CNOT6: variants seen among roughly 807,000 people sequenced by gnomAD.
The protein encoded by CNOT6 is carbon catabolite repression 4 protein.
CNOT6 carries 12 observed loss-of-function variants against 61.2 expected under a neutral mutation model. The ratio of observed to expected loss-of-function variants is 0.20; its 90% CI spans 0.13 to 0.32. CNOT6 has a LOEUF of 0.32. Ranked by LOEUF, CNOT6 falls within the 10% of genes least tolerant of loss-of-function variation. CNOT6 has a pLI of 1.00. For synonymous variants in CNOT6, 225 were observed against 240.6 expected, an observed-to-expected ratio of 0.94 and a Z score of 0.60; for missense variants, 405 against 663.9, an observed-to-expected ratio of 0.61 and a Z score of 4.28.
At chr5:180,521,260 A>G (rs1757867153) in intron 1 of CNOT6, among the ~76,000 whole-genome samples, 1 of 152,172 alleles carries the variant, frequency 6.6e-6, no homozygotes. Context: ...CTTCCCTGGC[A>G]CTCACTGGTT....
chr5:180,568,047 G>C, intron 9 of CNOT6, 44 bp downstream of exon 9: 1 of 1,526,362 alleles, frequency 6.6e-7, no homozygotes, highest in Non-Finnish European at 8.8e-7. Context: ...GCTCTGACTA[G>C]ACATCTTCAA....
chr5:180,522,683 C>T (rs1015181679), intron 1 of CNOT6, among the ~76,000 whole-genome samples: 1 of 151,802 alleles, frequency 6.6e-6, no homozygotes, highest in Non-Finnish European at 1.5e-5. Flanking sequence ...CAGGGTCTCA[C>T]TCTTGCCCAC....
intron 10 of CNOT6, 73 bp downstream of exon 10, chr5:180,569,413 C>A: frequency 3.3e-6 from 4 of 1,209,176 alleles, no homozygotes; most frequent in Non-Finnish European, 3.6e-6. Flanking sequence ...TGTTTCTGAT[C>A]ATTCCAAATT....
rs1464698840 is a variant in CNOT6, at chr5:180,565,890, T to C, written c.630T>C (p.Cys210=). 1.9e-6 allele frequency: 3 copies of C among 1,613,818 alleles called. No homozygotes were observed. The East Asian group carries it at 6.7e-5, about 36-fold the overall frequency. ...CGACCCGGCAGTTATACGGCTACTG[T>C]CCATCATGGGCGCTAAACTGGGACT... The part of the protein sequence containing the change: ...KYATRQLYGY[C]PSWALNWDYR... Residue 210 remains cysteine, a synonymous_variant, in exon 7 of 12, where the codon TGT becomes TGC. Transcript: ENST00000261951.
chr5:180,543,564 A>G (rs1759150510), intron 2 of CNOT6, among the ~76,000 whole-genome samples: 1 of 152,152 alleles, frequency 6.6e-6, no homozygotes, highest in Non-Finnish European at 1.5e-5. Context: ...CCCCAACAAT[A>G]TATGTCTTAG....
At chr5:180,552,346 A>G (rs1169622819) in intron 3 of CNOT6, among the ~76,000 whole-genome samples, 2 of 152,010 alleles carry the variant, frequency 1.3e-5, no homozygotes, top group African/African-American at 4.8e-5. Flanking sequence ...CACACTTAAA[A>G]AGTGACAAAT....
intron 4 of CNOT6, among the ~76,000 whole-genome samples, chr5:180,555,341 C>T (rs1283968641): frequency 6.6e-6 from 1 of 152,152 alleles, no homozygotes; most frequent in Non-Finnish European, 1.5e-5. Flanking sequence ...TACAGGAAAG[C>T]CTCTAAGTGT....
At chr5:180,495,904 C>T (rs11750477) in intron 1 of CNOT6, 41,032 of 152,122 alleles carry the variant, frequency 0.27, 6,159 homozygotes, top group Middle Eastern at 0.41. Context: ...TTATCACAGT[C>T]TTTATTTAAT....
chr5:180,510,305 C>G (rs911942515), intron 1 of CNOT6, among the ~76,000 whole-genome samples: 1 of 151,848 alleles, frequency 6.6e-6, no homozygotes, highest in Non-Finnish European at 1.5e-5. Context: ...GCCAGGACTT[C>G]TATCCGTAAA....
chr5:180,567,383 T>G (rs984186034), intron 8 of CNOT6, 141 bp downstream of exon 8: 18 of 712,558 alleles, frequency 2.5e-5, no homozygotes, highest in Middle Eastern at 3.4e-4. Flanking sequence ...ACCTAGGGGG[T>G]TTTTGTTTGT....
intron 9 of CNOT6, among the ~76,000 whole-genome samples, chr5:180,568,831 A>T (rs1421129172): frequency 6.6e-6 from 1 of 152,126 alleles, no homozygotes; most frequent in Non-Finnish European, 1.5e-5. Context: ...CCAAACTAAG[A>T]CCAAAAGTTT....
chr5:180,550,087 C>T lies in CNOT6; in HGVS notation c.269C>T (p.Pro90Leu), dbSNP rs756760713. 2 of 1,613,974 alleles carry T rather than the reference C, an allele frequency of 1.2e-6. No individual in the cohort carries two copies. Among genetic ancestry groups the T allele is most frequent in the Non-Finnish European group, 1.7e-6 (2 of 1,179,920 alleles). The change falls in exon 3 of 12, where the codon CCC (proline) becomes CTC (leucine). Residue 90 changes from proline (P) to leucine (L), a missense_variant. Pro to Leu is a moderately conservative substitution (Grantham distance 98). Transcript: ENST00000261951. ...DLSSNKIRSL[P>L]AELGNMVSLR... ...TCATCTAATAAAATTCGTAGCTTAC[C>T]CGCAGAACTCGGAAACATGGTATCA...
intron 2 of CNOT6, among the ~76,000 whole-genome samples, chr5:180,548,133 A>T (rs1363452989): frequency 6.6e-6 from 1 of 152,142 alleles, no homozygotes; most frequent in Non-Finnish European, 1.5e-5. Flanking sequence ...CAATTCACAC[A>T]CTGTACAGCT....
chr5:180,527,648 A>G (rs551855183), intron 1 of CNOT6, among the ~76,000 whole-genome samples: 65 of 152,280 alleles, frequency 4.3e-4, no homozygotes, highest in African/African-American at 1.5e-3. Flanking sequence ...GGTCAAGGAC[A>G]TAGGTGGTTT....
At chr5:180,504,396 T>A (rs1472013681) in intron 1 of CNOT6, among the ~76,000 whole-genome samples, 1 of 152,142 alleles carries the variant, frequency 6.6e-6, no homozygotes, top group Non-Finnish European at 1.5e-5. Flanking sequence ...ACTTCCCAAG[T>A]CATTGTGTAT....
chr5:180,545,781 A>G (rs2127739409), intron 2 of CNOT6, among the ~76,000 whole-genome samples: 1 of 152,302 alleles, frequency 6.6e-6, no homozygotes, highest in East Asian at 1.9e-4. Context: ...CTGGTTTGCA[A>G]AGATGTCTTG....
At chr5:180,558,614 G>T (rs1760021879) in intron 4 of CNOT6, among the ~76,000 whole-genome samples, 1 of 125,874 alleles carries the variant, frequency 7.9e-6, no homozygotes, top group African/African-American at 2.7e-5. Flanking sequence ...CTTCCTTCTT[G>T]TGTTTGCTTT....
In CNOT6 at chr5:180,575,713, C is replaced by A. The variant is rs531315597; in HGVS notation, c.*1513C>A. 6.5e-6 allele frequency: 1 copy of A among 152,700 alleles called. No individual in the cohort carries two copies. The highest frequency in any genetic ancestry group is 6.5e-5 in the Admixed American group (1 of 15,294). The allele number at this position is 152,700 out of a possible 1,614,324, so 9.5% of individuals were successfully genotyped here. ...AGTGAACATGTACATGGTCTGCTCT[C>A]ATTTATTCATTCTTCTCTCAAAAGT... On this transcript the variant is annotated 3_prime_UTR_variant, in exon 12 of 12. Coordinates refer to ENST00000261951, the MANE Select transcript of CNOT6 (RefSeq NM_001370472.1).
intron 1 of CNOT6, among the ~76,000 whole-genome samples, chr5:180,501,431 C>G (rs150089522): frequency 6.6e-6 from 1 of 152,140 alleles, no homozygotes; most frequent in Admixed American, 6.6e-5. Context: ...GATTTTTGAT[C>G]CTGTTAAGTT....
Sources: allele counts gnomAD v4.1 joint callset (sites outside exome capture counted in the v4.1 genomes callset), GRCh38; gene constraint gnomAD v4.1.1; transcripts MANE v1.5; gene names NCBI Gene and HGNC (gene_info 2026-07-23, HGNC 2026-07-21).